The following BNIP5 variants were observed in gnomAD, a reference collection of about 807,000 sequenced individuals.
BNIP5 encodes the protein BCL2 interacting protein 5.
A neutral mutation model predicts 67.3 loss-of-function variants in BNIP5; 61 were observed. That is an observed-to-expected ratio of 0.91 (90% confidence interval 0.74 to 1.12). The LOEUF is 1.12. Ranked by LOEUF, BNIP5 falls within the 50% of genes most tolerant of loss-of-function variation. BNIP5 has a pLI of 0.00. For missense variants in BNIP5, 826 were observed against 816.3 expected, an observed-to-expected ratio of 1.01 and a Z score of -0.14; for synonymous variants, 317 against 319.0, an observed-to-expected ratio of 0.99 and a Z score of 0.07.
chr6:36,326,938 A>G (rs1234319408), intron 4 of BNIP5, 92 bp downstream of exon 4: 2 of 1,415,458 alleles, frequency 1.4e-6, no homozygotes, highest in African/African-American at 2.8e-5. Context: ...GGAATGGACT[A>G]GAGCCCGGCC....
intron 10 of BNIP5, 149 bp from the exon 11 acceptor site, chr6:36,319,759 T>C: frequency 1.1e-6 from 1 of 889,312 alleles, no homozygotes; most frequent in Non-Finnish European, 1.7e-6. Context: ...GCCCCTAGCC[T>C]CTCAGAATCT....
chr6:36,324,573 TATTATATATATATATATATATATA>T (rs1412831559), intron 6 of BNIP5, among the ~76,000 whole-genome samples: 7 of 59,828 alleles, frequency 1.2e-4, no homozygotes, highest in Admixed American at 4.3e-4. Context: ...CTGACGGTGA[TATTATATATATATATATATATATA>T]TATATATATA....
At chr6:36,324,249 G>A (rs752965751) in intron 6 of BNIP5, 59 bp from the exon 7 acceptor site, 1 of 1,479,622 alleles carries the variant, frequency 6.8e-7, no homozygotes, top group African/African-American at 1.4e-5. Flanking sequence ...TCTGCGGTCA[G>A]TCTTCATTTC....
At chr6:36,324,237 C>CTTCTGCGGTCAGTCTTCA in intron 6 of BNIP5, 47 bp from the exon 7 acceptor site, 1 of 1,531,518 alleles carries the variant, frequency 6.5e-7, no homozygotes, top group Middle Eastern at 1.7e-4. Context: ...TACGAAATCT[C>CTTCTGCGGTCAGTCTTCA]TTCTGCGGTC....
chr6:36,317,289 G>A lies in BNIP5; in HGVS notation c.*67C>T, dbSNP rs1009891199. 6.4e-6 allele frequency: 8 copies of A among 1,259,596 alleles called. No homozygotes were observed. The highest frequency in any genetic ancestry group is 3.4e-5 in the Admixed American group (2 of 59,528). The allele number at this position is 1,259,596 out of a possible 1,614,324, so 78.0% of individuals were successfully genotyped here. On this transcript the variant is annotated 3_prime_UTR_variant, in exon 12 of 12. Coordinates refer to ENST00000437635, the MANE Select transcript of BNIP5 (RefSeq NM_001010903.5). ...ATTGGGACATCACAGAGCATCTTCA[G>A]GGTCTCCTGGCTAAAGCTGCGAACC...
intron 2 of BNIP5, among the ~76,000 whole-genome samples, chr6:36,329,297 T>C (rs546987762): frequency 2.0e-5 from 3 of 152,334 alleles, no homozygotes; most frequent in Admixed American, 6.5e-5. Flanking sequence ...CCTAAAACTA[T>C]AGGAGTTGGC....
At position 36,330,736 on chromosome 6, in the gene BNIP5, T is replaced by C. The variant is rs374596760; in HGVS notation, c.-4-42A>G. 31 of 1,510,746 alleles carry C rather than the reference T, an allele frequency of 2.1e-5. No individual in the cohort carries two copies. The African/African-American group carries it at 4.3e-4, about 21-fold the overall frequency. 93.6% of individuals were successfully genotyped at this position (1,510,746 alleles called of 1,614,324 possible). A position where few individuals can be genotyped will look rare whatever the true frequency, so the allele number is the denominator to read the frequency against. On this transcript the variant is annotated intron_variant, in intron 1 of 11. Transcript: ENST00000437635. Reference sequence around the variant, plus strand: ...CAGCTCCCTTAGTTTTTTTGTTTGTTTGTTTTGATTTGTTTGTTTGTTTGT... The same window carrying C: ...CAGCTCCCTTAGTTTTTTTGTTTGTCTGTTTTGATTTGTTTGTTTGTTTGT...
Position 36,330,174 on chromosome 6 carries a change from G to C in BNIP5, c.517C>G (p.Gln173Glu), listed in dbSNP as rs1771858215. 1 of 1,613,862 alleles carries C rather than the reference G, an allele frequency of 6.2e-7. No homozygotes were observed. The highest frequency in any genetic ancestry group is 1.3e-5 in the African/African-American group (1 of 74,902). Residue 173 changes from glutamine (Q) to glutamate (E), a missense_variant, in exon 2 of 12, where the codon CAA becomes GAA. Coordinates refer to ENST00000437635, the MANE Select transcript of BNIP5 (RefSeq NM_001010903.5). ...KHAAEVTKAA[Q>E]DQEARGREEG... is the part of the protein sequence containing the mutation. Reference sequence around the variant, plus strand: ...TCTCGGCCTCTGGCCTCCTGGTCTTGAGCTGCCTTAGTCACCTCGGCCGCG... The same window carrying C: ...TCTCGGCCTCTGGCCTCCTGGTCTTCAGCTGCCTTAGTCACCTCGGCCGCG...
chr6:36,319,885 C>T (rs934378143), intron 10 of BNIP5, among the ~76,000 whole-genome samples: 1 of 152,136 alleles, frequency 6.6e-6, no homozygotes, highest in Non-Finnish European at 1.5e-5. Flanking sequence ...TCTCGTCTAC[C>T]CTAGCCATTC....
chr6:36,323,505 C>T lies in BNIP5; in HGVS notation c.1259G>A (p.Gly420Asp), dbSNP rs780246378. The T allele has an allele frequency of 6.2e-7, 1 of 1,614,142 alleles. No homozygotes were observed. Among genetic ancestry groups the T allele is most frequent in the South Asian group, 1.1e-5 (1 of 91,084 alleles). The change falls in exon 8 of 12, where the codon GGT becomes GAT. Residue 420 changes from glycine to aspartate, a missense_variant. Physicochemically the swap from Gly to Asp is moderately conservative, Grantham distance 94. Coordinates refer to ENST00000437635, the MANE Select transcript of BNIP5 (RefSeq NM_001010903.5). ...EQPQVQQEEV[G>D]VENPAPHCRR... ...GCAGTGTGGGGCCGGGTTTTCTACA[C>T]CCACCTCTTCCTGCTGGACTTGAGG... is the stretch of plus-strand genomic sequence containing the variant.
chr6:36,327,831 G>C (rs1201612576), intron 3 of BNIP5, among the ~76,000 whole-genome samples: 1 of 150,962 alleles, frequency 6.6e-6, no homozygotes, highest in Non-Finnish European at 1.5e-5. Flanking sequence ...GCTGTCTGTG[G>C]GTTTGCTTTT....
intron 1 of BNIP5, among the ~76,000 whole-genome samples, chr6:36,332,752 G>A (rs1420184760): frequency 6.6e-6 from 1 of 152,108 alleles, no homozygotes; most frequent in Non-Finnish European, 1.5e-5. Flanking sequence ...GCCTAGGTGT[G>A]GGCAGTGCAT....
intron 1 of BNIP5, among the ~76,000 whole-genome samples, chr6:36,332,555 A>G (rs944914988): frequency 1.3e-5 from 2 of 152,210 alleles, no homozygotes; most frequent in Admixed American, 6.5e-5. Context: ...TAGATGTATA[A>G]CACATTTAGT....
chr6:36,316,633 G>A lies in BNIP5; in HGVS notation c.*723C>T. The stretch of plus-strand genomic sequence containing the variant: ...CAAAAGAAGCTATAGTGCCTACATG[G>A]ACATGGCACTAGGTAATTTTCAGAA... On this transcript the variant is annotated 3_prime_UTR_variant, in exon 12 of 12. Transcript: ENST00000437635. The A allele has an allele frequency of 2.5e-6, 1 of 398,680 alleles. No homozygotes were observed. 24.7% of individuals were successfully genotyped at this position (398,680 alleles called of 1,614,324 possible).
Position 36,330,229 on chromosome 6 carries a change from G to A in BNIP5, c.462C>T (p.Pro154=), listed in dbSNP as rs767328749. Residue 154 remains proline (P), a synonymous_variant, in exon 2 of 12, where the codon CCC becomes CCT. Transcript: ENST00000437635. The stretch of plus-strand genomic sequence containing the variant: ...TCTTGTGACCTTGCTTCTTGCGGCT[G>A]GGCTTCTTGTCGTGGTGGGCTTTCT... The part of the protein sequence containing the change: ...LRKKAHHDKK[P]SRKKQGHKKH... The A allele has an allele frequency of 1.2e-5, 19 of 1,614,032 alleles. No individual in the cohort carries two copies. Among genetic ancestry groups the A allele is most frequent in the Non-Finnish European group, 1.5e-5 (18 of 1,180,036 alleles).
At chr6:36,317,443 GT>G (rs777938344) in intron 11 of BNIP5, 52 bp from the exon 12 acceptor site, 36 of 1,511,226 alleles carry the variant, frequency 2.4e-5, no homozygotes, top group Non-Finnish European at 3.1e-5. Context: ...TTATTTATGG[GT>G]TCATTCTGGA....
Position 36,316,377 on chromosome 6 carries a change from G to T in BNIP5, c.*979C>A, listed in dbSNP as rs1270002201. 1 of 397,478 alleles carries T rather than the reference G, an allele frequency of 2.5e-6. No individual in the cohort carries two copies. The highest frequency in any genetic ancestry group is 3.6e-5 in the East Asian group (1 of 28,084). 24.6% of individuals were successfully genotyped at this position (397,478 alleles called of 1,614,324 possible). A position where few individuals can be genotyped will look rare whatever the true frequency, so the allele number is the denominator to read the frequency against. On this transcript the variant is annotated 3_prime_UTR_variant, in exon 12 of 12. Transcript: ENST00000437635. Reference sequence around the variant, plus strand: ...ACTGTTGAGCTATACAGAAGGCAGAGCCTCTGGCACCCCCACACTTCACCT... The same window carrying T: ...ACTGTTGAGCTATACAGAAGGCAGATCCTCTGGCACCCCCACACTTCACCT...
rs146797303 is a variant in BNIP5, at chr6:36,317,384, G to A, written c.1931C>T (p.Thr644Ile). The change falls in exon 12 of 12, where the codon ACA becomes ATA. Residue 644 changes from threonine (T) to isoleucine (I), a missense_variant. Coordinates refer to ENST00000437635, the MANE Select transcript of BNIP5 (RefSeq NM_001010903.5). ...ATCTGGACTTTCAACCTTAGGACTT[G>A]TGATGTTCTGGGAAGAGAAAAAGAA... ...FPYREDQPNI[T>I]SPKVESPD The A allele has an allele frequency of 5.0e-6, 8 of 1,613,168 alleles. No individual in the cohort carries two copies. The highest frequency in any genetic ancestry group is 6.8e-6 in the Non-Finnish European group (8 of 1,179,238).
intron 5 of BNIP5, 24 bp from the exon 6 acceptor site, chr6:36,325,438 G>T: frequency 6.3e-7 from 1 of 1,598,484 alleles, no homozygotes; most frequent in South Asian, 1.1e-5. Flanking sequence ...GGAGAACGAG[G>T]GTGTGTTTTG....
Sources: gnomAD v4.1 joint callset for allele counts (sites outside exome capture counted in the v4.1 genomes callset) on GRCh38, gnomAD v4.1.1 for gene constraint, MANE v1.5 for transcripts, NCBI Gene and HGNC (gene_info 2026-07-23, HGNC 2026-07-21) for gene names.